The following BCKDHB variants were observed in gnomAD, a reference collection of about 807,000 sequenced individuals.
BCKDHB encodes branched chain keto acid dehydrogenase E1 subunit beta.
BCKDHB carries 41 observed loss-of-function variants against 48.5 expected under a neutral mutation model. The ratio of observed to expected loss-of-function variants is 0.85; its 90% CI spans 0.66 to 1.10. BCKDHB has a LOEUF of 1.10. BCKDHB is among the 50% of genes least tolerant of loss of function. BCKDHB has a pLI of 0.00. For missense variants in BCKDHB, 496 were observed against 494.2 expected (o/e 1.00, Z -0.03); for synonymous variants, 201 against 174.8 (o/e 1.15, Z -1.18).
the BCKDHB span, among the ~76,000 whole-genome samples, chr6:80,373,374 T>G: frequency 6.6e-6 from 1 of 152,176 alleles, no homozygotes; most frequent in African/African-American, 2.4e-5. Flanking sequence ...TCTATCAGTT[T>G]TATTTATCTT....
chr6:80,426,528 TC>T, the BCKDHB span, among the ~76,000 whole-genome samples: 1 of 152,154 alleles, frequency 6.6e-6, no homozygotes, highest in Admixed American at 6.6e-5. Flanking sequence ...TATTTTCATT[TC>T]CATTAAGTTA....
intron 3 of BCKDHB, among the ~76,000 whole-genome samples, chr6:80,146,383 G>T (rs1196217318): frequency 6.6e-6 from 1 of 152,160 alleles, no homozygotes; most frequent in African/African-American, 2.4e-5. Context: ...TTAAATGACA[G>T]AATTAAATTG....
chr6:80,189,892 A>G (rs923440203), intron 6 of BCKDHB, among the ~76,000 whole-genome samples: 9 of 152,170 alleles, frequency 5.9e-5, no homozygotes, highest in Admixed American at 1.3e-4. Flanking sequence ...GCTAATTTAT[A>G]TATCTTTAGC....
chr6:80,164,052 C>T (rs535983059), intron 3 of BCKDHB, among the ~76,000 whole-genome samples: 1 of 152,146 alleles, frequency 6.6e-6, no homozygotes, highest in Non-Finnish European at 1.5e-5. Context: ...TCACCAAATA[C>T]GAGTCAGAAG....
At chr6:80,203,513 G>C (rs544883545) in intron 8 of BCKDHB, among the ~76,000 whole-genome samples, 1 of 152,060 alleles carries the variant, frequency 6.6e-6, no homozygotes, top group Non-Finnish European at 1.5e-5. Flanking sequence ...CAAGGATGCC[G>C]AAGGCACCTG....
At chr6:80,420,314 G>T in the BCKDHB span, among the ~76,000 whole-genome samples, 1 of 152,112 alleles carries the variant, frequency 6.6e-6, no homozygotes, top group Non-Finnish European at 1.5e-5. Flanking sequence ...GGGAGAAAAA[G>T]GCCTTCTACA....
At chr6:80,146,638 G>T (rs887520793) in intron 3 of BCKDHB, among the ~76,000 whole-genome samples, 1 of 152,128 alleles carries the variant, frequency 6.6e-6, no homozygotes, top group Non-Finnish European at 1.5e-5. Flanking sequence ...GAGCAGTGGG[G>T]CAGCCAAGAA....
chr6:80,311,529 T>TA (rs1259117457), intron 9 of BCKDHB, among the ~76,000 whole-genome samples: 1 of 152,222 alleles, frequency 6.6e-6, no homozygotes, highest in Non-Finnish European at 1.5e-5. Flanking sequence ...TCCTATTGCC[T>TA]AGGTTTTCTT....
At chr6:80,135,473 G>T (rs931207300) in intron 3 of BCKDHB, among the ~76,000 whole-genome samples, 2 of 152,008 alleles carry the variant, frequency 1.3e-5, no homozygotes, top group African/African-American at 4.8e-5. Flanking sequence ...TAATAAGTTG[G>T]TGTAAATCTG....
At chr6:80,360,151 T>G in the BCKDHB span, among the ~76,000 whole-genome samples, 19 of 147,266 alleles carry the variant, frequency 1.3e-4, no homozygotes, top group Non-Finnish European at 5.9e-5. Context: ...GAACAATACT[T>G]TATTTCCTCA....
At chr6:80,418,750 G>A in the BCKDHB span, among the ~76,000 whole-genome samples, 40 of 152,242 alleles carry the variant, frequency 2.6e-4, no homozygotes, top group South Asian at 4.2e-4. Flanking sequence ...TGGTGACAGC[G>A]GAATCCATCC....
At chr6:80,223,378 A>T (rs1258543552) in intron 8 of BCKDHB, among the ~76,000 whole-genome samples, 1 of 152,146 alleles carries the variant, frequency 6.6e-6, no homozygotes, top group Non-Finnish European at 1.5e-5. Context: ...GCTTCTAATC[A>T]TTAATTTTCC....
chr6:80,173,096 A>G (rs1772992846), intron 6 of BCKDHB, among the ~76,000 whole-genome samples: 1 of 152,198 alleles, frequency 6.6e-6, no homozygotes, highest in African/African-American at 2.4e-5. Flanking sequence ...ACTGAGTAAG[A>G]AAGATTTGAA....
At chr6:80,136,610 C>T (rs1167375843) in intron 3 of BCKDHB, among the ~76,000 whole-genome samples, 1 of 151,922 alleles carries the variant, frequency 6.6e-6, no homozygotes, top group Admixed American at 6.6e-5. Context: ...AATTGGACTG[C>T]ATCGAAATTA....
rs1770047669 is a variant in BCKDHB at position 80,343,842 on chromosome 6, GTGCCCC to G, written c.*41_*46del. 1 of 1,610,182 alleles carries G rather than the reference GTGCCCC, an allele frequency of 6.2e-7. No individual in the cohort carries two copies. The highest frequency in any genetic ancestry group is 8.5e-7 in the Non-Finnish European group (1 of 1,176,714). The stretch of plus-strand genomic sequence containing the variant: ...GTATGCATCTTGAGAAAGCTACTAT[GTGCCCC>G]TGACATTAACGTACTGTTAACCAAG... On this transcript the variant is annotated 3_prime_UTR_variant, in exon 10 of 10. Transcript: ENST00000320393.
intron 9 of BCKDHB, among the ~76,000 whole-genome samples, chr6:80,291,784 A>G (rs1390071554): frequency 1.3e-5 from 2 of 152,228 alleles, no homozygotes; most frequent in Non-Finnish European, 2.9e-5. Context: ...AGTGTACCAC[A>G]GTTCTTGAAA....
intron 9 of BCKDHB, among the ~76,000 whole-genome samples, chr6:80,303,364 G>T (rs1185784923): frequency 6.6e-6 from 1 of 152,036 alleles, no homozygotes; most frequent in Non-Finnish European, 1.5e-5. Context: ...TATTGTAACT[G>T]AATAAGTCTG....
chr6:80,366,903 C>T, the BCKDHB span, among the ~76,000 whole-genome samples: 2 of 152,328 alleles, frequency 1.3e-5, no homozygotes, highest in South Asian at 4.1e-4. Flanking sequence ...GGAGGTGAGC[C>T]ATGTTCCTGG....
chr6:80,304,724 C>G (rs1046572763), intron 9 of BCKDHB, among the ~76,000 whole-genome samples: 1 of 152,084 alleles, frequency 6.6e-6, no homozygotes, highest in African/African-American at 2.4e-5. Flanking sequence ...TTTTCCAGAC[C>G]AAGTTGGGTT....
Sources: gnomAD v4.1 joint callset for allele counts (sites outside exome capture counted in the v4.1 genomes callset) on GRCh38, gnomAD v4.1.1 for gene constraint, MANE v1.5 for transcripts, NCBI Gene and HGNC (gene_info 2026-07-23, HGNC 2026-07-21) for gene names.